Variants in TMEM9B observed in about 807,000 individuals in gnomAD.
The protein encoded by TMEM9B is transmembrane protein 9B.
TMEM9B carries 8 observed loss-of-function variants against 23.5 expected under a neutral mutation model. That is an observed-to-expected ratio of 0.34 (90% CI 0.20 to 0.61). The LOEUF is 0.61. Ranked by LOEUF, TMEM9B falls within the 20% of genes least tolerant of loss-of-function variation. The probability of loss-of-function intolerance (pLI) is 0.78; values close to 1 mark genes in which losing one functional copy is unlikely to be tolerated. For synonymous variants in TMEM9B, 106 were observed against 96.3 expected (o/e 1.10, Z -0.59); for missense variants, 197 against 252.3 (o/e 0.78, Z 1.49).
chr11:8,953,306 C>T lies in TMEM9B; in HGVS notation c.338G>A (p.Gly113Asp). 6.2e-7 allele frequency: 1 copy of T among 1,613,604 alleles called. No individual in the cohort carries two copies. Among genetic ancestry groups the T allele is most frequent in the Non-Finnish European group, 8.5e-7 (1 of 1,179,858 alleles). Residue 113 changes from glycine to aspartate, a missense_variant, in exon 4 of 5, where the codon GGC becomes GAC. Coordinates refer to ENST00000534025, the MANE Select transcript of TMEM9B (RefSeq NM_020644.3). ...VTIIIYLSIL[G>D]LLLLYMVYLT... is the part of the protein sequence containing the mutation. Reference sequence around the variant, plus strand: ...ATATACCATGTACAGAAGTAGAAGGCCCAAAATGGAGAGATAAATTATAAT... The same window carrying T: ...ATATACCATGTACAGAAGTAGAAGGTCCAAAATGGAGAGATAAATTATAAT...
At chr11:8,964,126 G>A (rs1854138707) in intron 1 of TMEM9B, 83 bp downstream of exon 1, 4 of 1,366,508 alleles carry the variant, frequency 2.9e-6, no homozygotes, top group South Asian at 2.7e-5. Context: ...AATGGGCCAA[G>A]GAGCAGGTTG....
chr11:8,960,017 C>G (rs946490947), intron 2 of TMEM9B, among the ~76,000 whole-genome samples: 1 of 152,008 alleles, frequency 6.6e-6, no homozygotes, highest in African/African-American at 2.4e-5. Flanking sequence ...TTTTCAGTGC[C>G]AGCTGGGAAC....
chr11:8,961,611 A>G (rs1854084004), intron 2 of TMEM9B, among the ~76,000 whole-genome samples: 1 of 152,234 alleles, frequency 6.6e-6, no homozygotes. Context: ...TTTACACCAA[A>G]TGGGAAACTC....
At position 8,948,336 on chromosome 11, in the gene TMEM9B, T is replaced by C; in HGVS notation, c.581A>G (p.His194Arg). The C allele has an allele frequency of 6.2e-7, 1 of 1,614,042 alleles. No individual in the cohort carries two copies. ...QEQRKSVFDR[H>R]VVLS ...AATTCCCAATTAGCTGAGGACAACA[T>C]GCCGGTCAAAGACAGACTTTCGCTG... Residue 194 changes from histidine (H) to arginine (R), a missense_variant, in exon 5 of 5, where the codon CAT (histidine) becomes CGT (arginine). This residue lies in a region of TMEM9B where 141 missense variants were observed against 214.1 expected (regional missense o/e 0.66). Coordinates refer to ENST00000534025, the MANE Select transcript of TMEM9B (RefSeq NM_020644.3).
At chr11:8,958,354 CAGGAGGCTG>C (rs1031652854) in intron 2 of TMEM9B, among the ~76,000 whole-genome samples, 1 of 150,396 alleles carries the variant, frequency 6.6e-6, no homozygotes, top group African/African-American at 2.4e-5. Flanking sequence ...CCCAGCTACT[CAGGAGGCTG>C]AGGCAGGAGA....
chr11:8,964,411 C>A lies in TMEM9B; in HGVS notation c.-98G>T. ...CAGGCTCAGGCACAGGCTTGGGACC[C>A]GGCTGGGGATCCTCCGCCCGCACTT... On this transcript the variant is annotated 5_prime_UTR_variant, in exon 1 of 5. Transcript: ENST00000534025. 5 of 1,443,414 alleles carry A rather than the reference C, an allele frequency of 3.5e-6. No individual in the cohort carries two copies. In the African/African-American group the frequency reaches 4.6e-5, roughly 13 times the overall value. The allele number at this position is 1,443,414 out of a possible 1,614,324, so 89.4% of individuals were successfully genotyped here. A position where few individuals can be genotyped will look rare whatever the true frequency, so the allele number is the denominator to read the frequency against.
In TMEM9B at chr11:8,957,637, G is replaced by A. The variant is rs1273806946; in HGVS notation, c.198-1339C>T. Among the ~76,000 whole-genome samples the A allele has an allele frequency of 6.6e-6, 1 of 152,188 alleles. No individual in the cohort carries two copies. Among genetic ancestry groups the A allele is most frequent in the African/African-American group, 2.4e-5 (1 of 41,448 alleles). On this transcript the variant is annotated intron_variant, in intron 2 of 4. Coordinates refer to ENST00000534025, the MANE Select transcript of TMEM9B (RefSeq NM_020644.3). This position sits in a 1 kb window ranked among gnomAD's most constrained non-coding sequence, Gnocchi z 4.3. The stretch of plus-strand genomic sequence containing the variant: ...CTTTTTGGAAACAAAGTTACAGCTT[G>A]GTGGGAGGAATAAGTTCTAGTGTTC...
intron 4 of TMEM9B, 125 bp downstream of exon 4, chr11:8,953,078 A>T: frequency 8.5e-7 from 1 of 1,178,418 alleles, no homozygotes; most frequent in African/African-American, 1.5e-5. Flanking sequence ...AGCTGTTTTT[A>T]GCTTCTCTAG....
intron 4 of TMEM9B, among the ~76,000 whole-genome samples, chr11:8,950,714 T>C (rs982504422): frequency 6.6e-6 from 1 of 152,236 alleles, no homozygotes; most frequent in Non-Finnish European, 1.5e-5. Flanking sequence ...CTGTAATGCT[T>C]TGGTAATAAC....
intron 4 of TMEM9B, 113 bp from the exon 5 acceptor site, chr11:8,948,588 C>T (rs1442438080): frequency 7.9e-7 from 1 of 1,261,602 alleles, no homozygotes; most frequent in Non-Finnish European, 1.1e-6. Flanking sequence ...TTTCAAACAA[C>T]AGAGCATCTA....
In TMEM9B at chr11:8,952,712, A is replaced by G. The variant is rs111890211; in HGVS notation, c.441+491T>C. The stretch of plus-strand genomic sequence containing the variant: ...AGGTGTATGCCCCCACACCTGGCCC[A>G]CAGATTTTTTTTTAAGCAGTAGAAA... On this transcript the variant is annotated intron_variant, in intron 4 of 4. Coordinates refer to ENST00000534025, the MANE Select transcript of TMEM9B (RefSeq NM_020644.3). The G allele has an allele frequency of 2.5e-3, 470 of 191,186 alleles. 3 individuals are homozygous for G. The highest frequency in any genetic ancestry group is 0.01 in the African/African-American group (441 of 42,222). 11.8% of individuals were successfully genotyped at this position (191,186 alleles called of 1,614,324 possible).
At chr11:8,951,044 G>C (rs2134861803) in intron 4 of TMEM9B, among the ~76,000 whole-genome samples, 1 of 152,304 alleles carries the variant, frequency 6.6e-6, no homozygotes, top group South Asian at 2.1e-4. Context: ...GCCTCACAGA[G>C]ACAGTGTTCT....
intron 2 of TMEM9B, among the ~76,000 whole-genome samples, chr11:8,961,229 C>G (rs997255760): frequency 6.6e-6 from 1 of 152,194 alleles, no homozygotes; most frequent in African/African-American, 2.4e-5. Flanking sequence ...GGTTGGAATA[C>G]TGTTAACTGA....
In TMEM9B at chr11:8,964,423, C is replaced by T; in HGVS notation, c.-110G>A. On this transcript the variant is annotated 5_prime_UTR_variant, in exon 1 of 5. Coordinates refer to ENST00000534025, the MANE Select transcript of TMEM9B (RefSeq NM_020644.3). ...CAGGCTTGGGACCCGGCTGGGGATCCTCCGCCCGCACTTCCGTCTGGACGC... is the reference window on the plus strand; with the variant it reads ...CAGGCTTGGGACCCGGCTGGGGATCTTCCGCCCGCACTTCCGTCTGGACGC... The T allele has an allele frequency of 1.4e-6, 2 of 1,436,504 alleles. No homozygotes were observed. The highest frequency in any genetic ancestry group is 1.8e-6 in the Non-Finnish European group (2 of 1,101,910). 89.0% of individuals were successfully genotyped at this position (1,436,504 alleles called of 1,614,324 possible).
At chr11:8,952,339 A>T (rs929981755) in intron 4 of TMEM9B, among the ~76,000 whole-genome samples, 9 of 119,220 alleles carry the variant, frequency 7.5e-5, no homozygotes, top group Non-Finnish European at 1.1e-4. Context: ...TGTGTGTGTG[A>T]GAGATTTAAA....
In TMEM9B at chr11:8,953,301, G is replaced by C. The variant is rs1253489831; in HGVS notation, c.343C>G (p.Leu115Val). ...IIIYLSILGL[L>V]LLYMVYLTLV... is the part of the protein sequence containing the mutation. The stretch of plus-strand genomic sequence containing the variant: ...GTAAGATATACCATGTACAGAAGTA[G>C]AAGGCCCAAAATGGAGAGATAAATT... The change falls in exon 4 of 5, where the codon CTA (leucine) becomes GTA (valine). Residue 115 changes from leucine to valine, a missense_variant. This residue lies in a region of TMEM9B where 141 missense variants were observed against 214.1 expected (regional missense o/e 0.66). Coordinates refer to ENST00000534025, the MANE Select transcript of TMEM9B (RefSeq NM_020644.3). The C allele has an allele frequency of 1.2e-6, 2 of 1,614,036 alleles. No individual in the cohort carries two copies. The highest frequency in any genetic ancestry group is 2.2e-5 in the South Asian group (2 of 91,072).
chr11:8,963,477 G>T (rs1414187220), intron 1 of TMEM9B, among the ~76,000 whole-genome samples: 1 of 152,222 alleles, frequency 6.6e-6, no homozygotes, highest in African/African-American at 2.4e-5. Context: ...GGGCACCAGA[G>T]AACAGTATGA....
intron 2 of TMEM9B, among the ~76,000 whole-genome samples, chr11:8,960,725 A>G (rs1204477468): frequency 6.6e-6 from 1 of 150,526 alleles, no homozygotes; most frequent in Non-Finnish European, 1.5e-5. Context: ...TCTGTCACCC[A>G]GGCTGGAGTG....
At chr11:8,950,723 A>G (rs1456276022) in intron 4 of TMEM9B, among the ~76,000 whole-genome samples, 1 of 152,234 alleles carries the variant, frequency 6.6e-6, no homozygotes, top group Admixed American at 6.5e-5. Flanking sequence ...TTTGGTAATA[A>G]CGATGATGTG....
Sources: allele counts gnomAD v4.1 joint callset (sites outside exome capture counted in the v4.1 genomes callset), GRCh38; gene constraint gnomAD v4.1.1; regional missense constraint gnomAD v4.1.1; non-coding constraint Gnocchi (gnomAD v3.1); transcripts MANE v1.5; gene names NCBI Gene and HGNC (gene_info 2026-07-23, HGNC 2026-07-21).